Variants in ZNF678 observed in about 807,000 individuals in gnomAD.
ZNF678 encodes the protein zinc finger protein 678, also known as hypothetical protein MGC42493.
Under a neutral mutation model 3.0 loss-of-function variants are expected in ZNF678, and 5 were observed. The ratio of observed to expected loss-of-function variants is 1.69; its 90% CI spans 0.88 to 3.56. ZNF678 has a LOEUF of 3.56. ZNF678 is among the 30% of genes most tolerant of loss of function. The probability of loss-of-function intolerance (pLI) is 0.00; values close to 1 mark genes in which losing one functional copy is unlikely to be tolerated. For synonymous variants in ZNF678, 218 were observed against 199.6 expected (o/e 1.09, Z -0.78); for missense variants, 593 against 605.0 (o/e 0.98, Z 0.21).
downstream of ZNF678, among the ~76,000 whole-genome samples, chr1:227,678,287 A>C (rs186389377): frequency 6.6e-6 from 1 of 152,268 alleles, no homozygotes; most frequent in East Asian, 1.9e-4. Context: ...CCTAGGATGG[A>C]ATACCCCTCC....
At chr1:227,596,756 A>G (rs191353888) in intron 1 of ZNF678, among the ~76,000 whole-genome samples, 128 of 152,376 alleles carry the variant, frequency 8.4e-4, no homozygotes, top group African/African-American at 2.8e-3. Flanking sequence ...ATCAGGTAAC[A>G]TGAAATATAA....
At chr1:227,623,806 A>G (rs1658341869) in intron 1 of ZNF678, among the ~76,000 whole-genome samples, 1 of 152,138 alleles carries the variant, frequency 6.6e-6, no homozygotes, top group African/African-American at 2.4e-5. Context: ...AAGAGCTTTT[A>G]TTCTCCGTGG....
At chr1:227,578,076 C>T (rs987877067) in intron 1 of ZNF678, among the ~76,000 whole-genome samples, 4 of 152,128 alleles carry the variant, frequency 2.6e-5, no homozygotes, top group Admixed American at 6.5e-5. Flanking sequence ...CAGTCTCTTC[C>T]GGCTTTTAAG....
At chr1:227,678,092 CTT>C (rs1164877818), downstream of ZNF678, among the ~76,000 whole-genome samples, 1 of 152,168 alleles carries the variant, frequency 6.6e-6, no homozygotes, top group Non-Finnish European at 1.5e-5. Context: ...CTAATAAACA[CTT>C]TAGTCCACCA....
chr1:227,633,473 G>A (rs1191218268), intron 1 of ZNF678, among the ~76,000 whole-genome samples: 5 of 152,150 alleles, frequency 3.3e-5, no homozygotes, highest in African/African-American at 4.8e-5. Flanking sequence ...TACAAGCCCC[G>A]TGTTTAAAGG....
At chr1:227,610,586 G>A (rs755164900) in intron 1 of ZNF678, among the ~76,000 whole-genome samples, 6 of 152,152 alleles carry the variant, frequency 3.9e-5, no homozygotes, top group Non-Finnish European at 8.8e-5. Context: ...CATTAAGGGA[G>A]GACCCATCAT....
chr1:227,653,343 T>C (rs929826937), intron 3 of ZNF678, among the ~76,000 whole-genome samples: 4 of 152,086 alleles, frequency 2.6e-5, no homozygotes, highest in Non-Finnish European at 5.9e-5. Flanking sequence ...TCTTGTTATA[T>C]ATTTTATTAT....
At chr1:227,617,441 T>C (rs949378727) in intron 1 of ZNF678, among the ~76,000 whole-genome samples, 3 of 152,172 alleles carry the variant, frequency 2.0e-5, no homozygotes, top group African/African-American at 7.2e-5. Context: ...TTATGAACAG[T>C]TGACAGAGGA....
chr1:227,590,908 T>C lies in ZNF678; in HGVS notation c.-164+27184T>C, dbSNP rs557259185. Among the ~76,000 whole-genome samples the C allele has an allele frequency of 1.1e-4, 16 of 151,796 alleles. No individual in the cohort carries two copies. The South Asian group carries it at 3.3e-3, about 32-fold the overall frequency. ...CTTGCTATACAGTATTGCCTAATCA[T>C]TGAGGCTTTTAGGACCTAGAAGTGA... On this transcript the variant is annotated intron_variant, in intron 1 of 3. Transcript: ENST00000343776.
rs116049482 is a variant in ZNF678 at position 227,621,419 on chromosome 1, G to C, written c.-163-25125G>C. Among the ~76,000 whole-genome samples, 796 of 152,338 alleles carry C rather than the reference G, an allele frequency of 5.2e-3. 8 individuals are homozygous for C. The highest frequency in any genetic ancestry group is 0.018 in the African/African-American group (768 of 41,580). ...TTCAGCATGGGCAGTGACTCATGCA[G>C]TGAGTAGCTCTTTTGGAGCTGGCCC... On this transcript the variant is annotated intron_variant, in intron 1 of 3. Transcript: ENST00000343776.
Position 227,646,535 on chromosome 1 carries a change from C to T in ZNF678, c.-163-9C>T, listed in dbSNP as rs768469299. 1 of 1,369,596 alleles carries T rather than the reference C, an allele frequency of 7.3e-7. No homozygotes were observed. Among genetic ancestry groups the T allele is most frequent in the Admixed American group, 1.9e-5 (1 of 52,606 alleles). The allele number at this position is 1,369,596 out of a possible 1,614,324, so 84.8% of individuals were successfully genotyped here. ...TTTGTAAATACGTGTGTATTTTTCC[C>T]CCCCCCAGGGACTACTGGCATTCAG... On this transcript the variant is annotated splice_polypyrimidine_tract_variant and intron_variant, in intron 1 of 3. Coordinates refer to ENST00000343776, the MANE Select transcript of ZNF678 (RefSeq NM_001367909.1).
At chr1:227,598,393 C>T (rs1571876173) in intron 1 of ZNF678, 2 of 1,421,946 alleles carry the variant, frequency 1.4e-6, no homozygotes, top group Non-Finnish European at 1.8e-6. Context: ...ATTGCACTTT[C>T]TTTATAAGGG....
chr1:227,563,585 G>A lies in ZNF678; in HGVS notation c.-303G>A. 1.1e-6 allele frequency: 1 copy of A among 896,626 alleles called. No homozygotes were observed. The highest frequency in any genetic ancestry group is 2.3e-5 in the Admixed American group (1 of 43,064). 55.5% of individuals were successfully genotyped at this position (896,626 alleles called of 1,614,324 possible). A position where few individuals can be genotyped will look rare whatever the true frequency, so the allele number is the denominator to read the frequency against. On this transcript the variant is annotated 5_prime_UTR_variant, in exon 1 of 4. Transcript: ENST00000343776. The stretch of plus-strand genomic sequence containing the variant: ...GTCTTGTGCTCCAGCTGGAGCTTTG[G>A]TCCCGTATTCTCGGCTATTTATCCC...
intron 5 of ZNF678, among the ~76,000 whole-genome samples, chr1:227,675,532 G>A (rs1659664800): frequency 6.6e-6 from 1 of 152,166 alleles, no homozygotes. Context: ...TGTGAAAATA[G>A]ATTGTGTTTA....
At chr1:227,619,859 C>T (rs776224713) in intron 1 of ZNF678, among the ~76,000 whole-genome samples, 13 of 152,176 alleles carry the variant, frequency 8.5e-5, no homozygotes, top group Non-Finnish European at 1.3e-4. Flanking sequence ...CTCCCACATG[C>T]TAAGCATTCC....
At position 227,660,226 on chromosome 1, in the gene ZNF678, CAG is replaced by C. The variant is rs906218887; in HGVS notation, c.*4401_*4402del. On this transcript the variant is annotated 3_prime_UTR_variant, in exon 4 of 4. Transcript: ENST00000343776. Reference sequence around the variant, plus strand: ...CAAGTAGTGCAGTGCTTCCAACCTTCAGAGTCTTTTACTGTACTATATGAATT... The same window carrying C: ...CAAGTAGTGCAGTGCTTCCAACCTTCAGTCTTTTACTGTACTATATGAATT... 1 of 151,052 alleles carries C rather than the reference CAG, an allele frequency of 6.6e-6. No individual in the cohort carries two copies. Among genetic ancestry groups the C allele is most frequent in the Non-Finnish European group, 1.5e-5 (1 of 67,892 alleles). The allele number at this position is 151,052 out of a possible 1,614,324, so 9.4% of individuals were successfully genotyped here. A position where few individuals can be genotyped will look rare whatever the true frequency, so the allele number is the denominator to read the frequency against.
intron 1 of ZNF678, among the ~76,000 whole-genome samples, chr1:227,568,002 A>G (rs1656739913): frequency 1.3e-5 from 2 of 152,214 alleles, no homozygotes; most frequent in African/African-American, 4.8e-5. Flanking sequence ...AAAGGTGCCA[A>G]AATTAGATCC....
intron 1 of ZNF678, among the ~76,000 whole-genome samples, chr1:227,573,333 T>C (rs1482832989): frequency 6.6e-6 from 1 of 152,232 alleles, no homozygotes; most frequent in African/African-American, 2.4e-5. Flanking sequence ...CCTCAAATAA[T>C]GAAAGTAGCA....
At chr1:227,639,087 C>T (rs68186506) in intron 1 of ZNF678, among the ~76,000 whole-genome samples, 32,661 of 151,992 alleles carry the variant, frequency 0.21, 3,916 homozygotes, top group East Asian at 0.44. Context: ...GGGATGGGGG[C>T]GGTCCTTGCT....
Sources: allele counts gnomAD v4.1 joint callset (sites outside exome capture counted in the v4.1 genomes callset), GRCh38; gene constraint gnomAD v4.1.1; transcripts MANE v1.5; gene names NCBI Gene and HGNC (gene_info 2026-07-23, HGNC 2026-07-21).